RBFOX1: variants seen among roughly 807,000 people sequenced by gnomAD.
RBFOX1 encodes RNA binding protein fox-1 homolog 1.
Under a neutral mutation model 57.7 loss-of-function variants are expected in RBFOX1, and 8 were observed. The observed-to-expected ratio is 0.14, with a 90% CI of 0.08 to 0.25. The LOEUF is 0.25. Ranked by LOEUF, RBFOX1 falls within the 10% of genes least tolerant of loss-of-function variation. RBFOX1 has a pLI of 1.00. For missense variants in RBFOX1, 611 were observed against 548.5 expected (o/e 1.11, Z -1.14); for synonymous variants, 326 against 222.4 (o/e 1.47, Z -4.15).
intron 4 of RBFOX1, among the ~76,000 whole-genome samples, chr16:7,211,632 T>C (rs1408353286): frequency 6.6e-6 from 1 of 152,004 alleles, no homozygotes; most frequent in Non-Finnish European, 1.5e-5. Context: ...TAAGCAAGGG[T>C]AATGTATTGC....
intron 2 of RBFOX1, among the ~76,000 whole-genome samples, chr16:6,540,791 G>A (rs1449227206): frequency 2.0e-5 from 3 of 151,990 alleles, no homozygotes; most frequent in African/African-American, 7.3e-5. Context: ...AAAAAGACTG[G>A]CTTATCTTAC....
intron 3 of RBFOX1, among the ~76,000 whole-genome samples, chr16:6,853,737 A>G (rs1039398903): frequency 1.3e-5 from 2 of 152,158 alleles, no homozygotes; most frequent in Non-Finnish European, 2.9e-5. Flanking sequence ...TGTGATTGGG[A>G]TAATGCGCCT....
chr16:6,902,974 C>T (rs978992171), intron 3 of RBFOX1, among the ~76,000 whole-genome samples: 2 of 151,838 alleles, frequency 1.3e-5, no homozygotes, highest in Non-Finnish European at 2.9e-5. Context: ...TGGACATAAA[C>T]AAAATAGTTA....
chr16:5,691,692 G>T (rs374709638), intron 3 of RBFOX1, among the ~76,000 whole-genome samples: 1 of 152,200 alleles, frequency 6.6e-6, no homozygotes, highest in Non-Finnish European at 1.5e-5. Context: ...GGAAATTGTG[G>T]ATGTCATGTT....
intron 3 of RBFOX1, among the ~76,000 whole-genome samples, chr16:7,001,344 CTG>C (rs1033101491): frequency 3.3e-5 from 5 of 149,284 alleles, no homozygotes; most frequent in Middle Eastern, 7.0e-3. Flanking sequence ...GGCCCTGACT[CTG>C]TGTGTGTGTG....
At chr16:6,470,826 C>G (rs2095157600) in intron 2 of RBFOX1, among the ~76,000 whole-genome samples, 1 of 152,100 alleles carries the variant, frequency 6.6e-6, no homozygotes. Context: ...TACATGTCTT[C>G]TAGTGTTTCT....
chr16:5,336,549 C>T (rs2064899926), intron 1 of RBFOX1, among the ~76,000 whole-genome samples: 1 of 152,176 alleles, frequency 6.6e-6, no homozygotes, highest in African/African-American at 2.4e-5. Context: ...GACCTGTGGA[C>T]AACTTGATCC....
chr16:7,241,117 A>C (rs2094033562), intron 4 of RBFOX1, among the ~76,000 whole-genome samples: 1 of 152,306 alleles, frequency 6.6e-6, no homozygotes, highest in South Asian at 2.1e-4. Context: ...TTCTGGCTTG[A>C]GACCCGAGGC....
chr16:5,343,298 G>GTTTTTTTTTTTTTTTTTTTTTT (rs33934959), intron 1 of RBFOX1, among the ~76,000 whole-genome samples: 1 of 109,964 alleles, frequency 9.1e-6, no homozygotes, highest in Non-Finnish European at 1.7e-5. Flanking sequence ...CTTCTTTGAA[G>GTTTTTTTTTTTTTTTTTTTTTT]TTTTTTTTTT....
intron 1 of RBFOX1, among the ~76,000 whole-genome samples, chr16:6,245,171 A>G (rs933738102): frequency 1.3e-5 from 2 of 152,214 alleles, no homozygotes; most frequent in African/African-American, 4.8e-5. Flanking sequence ...GATTGAATGA[A>G]TAATGCACTT....
rs1049485392 is a variant in RBFOX1 at position 7,671,704 on chromosome 16, T to C, written c.931-5070T>C. The C allele has an allele frequency of 3.4e-5, 36 of 1,066,778 alleles. No homozygotes were observed. The African/African-American group carries it at 4.2e-4, about 13-fold the overall frequency. The allele number at this position is 1,066,778 out of a possible 1,614,324, so 66.1% of individuals were successfully genotyped here. A position where few individuals can be genotyped will look rare whatever the true frequency, so the allele number is the denominator to read the frequency against. ...TGGGGAGGGGAACAGTTCTCTAACA[T>C]AGGAGGAAAGACTTAACTGAATTTT... On this transcript the variant is annotated intron_variant, in intron 13 of 15. Coordinates refer to ENST00000550418, the MANE Select transcript of RBFOX1 (RefSeq NM_018723.4).
chr16:6,065,337 A>T (rs149489291), intron 1 of RBFOX1, among the ~76,000 whole-genome samples: 1 of 151,690 alleles, frequency 6.6e-6, no homozygotes, highest in Non-Finnish European at 1.5e-5. Context: ...ACGCGGCCCT[A>T]TGATTCTTAT....
chr16:6,383,466 C>G (rs1338469899), intron 2 of RBFOX1, among the ~76,000 whole-genome samples: 1 of 152,090 alleles, frequency 6.6e-6, no homozygotes, highest in African/African-American at 2.4e-5. Flanking sequence ...CTGAATGCAC[C>G]AAGCCCCTTC....
At chr16:6,123,888 C>G (rs570616687) in intron 1 of RBFOX1, among the ~76,000 whole-genome samples, 17 of 152,244 alleles carry the variant, frequency 1.1e-4, no homozygotes, top group African/African-American at 3.6e-4. Flanking sequence ...CAGAGCGAGA[C>G]TCCCTCAAAA....
intron 2 of RBFOX1, among the ~76,000 whole-genome samples, chr16:6,617,695 G>A (rs985238127): frequency 6.6e-5 from 10 of 152,142 alleles, no homozygotes; most frequent in South Asian, 2.1e-4. Flanking sequence ...GTCTTGTGGA[G>A]GGAAGGTGGG....
intron 4 of RBFOX1, among the ~76,000 whole-genome samples, chr16:5,875,221 G>A (rs1428461393): frequency 6.6e-6 from 1 of 152,166 alleles, no homozygotes; most frequent in Non-Finnish European, 1.5e-5. Context: ...TGAAATAACT[G>A]TGAATGCCTC....
At chr16:7,072,285 C>T (rs555842447) in intron 4 of RBFOX1, among the ~76,000 whole-genome samples, 2 of 152,302 alleles carry the variant, frequency 1.3e-5, no homozygotes, top group Admixed American at 6.5e-5. Flanking sequence ...ATTAATGCTA[C>T]TCTTATTCTT....
At chr16:6,148,871 G>A (rs1229558501) in intron 1 of RBFOX1, among the ~76,000 whole-genome samples, 1 of 152,034 alleles carries the variant, frequency 6.6e-6, no homozygotes, top group Non-Finnish European at 1.5e-5. Context: ...AATGCAATCA[G>A]GTTTTAGTAT....
intron 2 of RBFOX1, among the ~76,000 whole-genome samples, chr16:6,535,351 G>T (rs1344938050): frequency 6.6e-6 from 1 of 152,144 alleles, no homozygotes; most frequent in South Asian, 2.1e-4. Flanking sequence ...TGGGTATGAG[G>T]TCAGTGTGGG....
Sources: allele counts gnomAD v4.1 joint callset (sites outside exome capture counted in the v4.1 genomes callset), GRCh38; gene constraint gnomAD v4.1.1; transcripts MANE v1.5; gene names NCBI Gene and HGNC (gene_info 2026-07-23, HGNC 2026-07-21).